The following ERBB4 variants were observed in gnomAD, a reference collection of about 807,000 sequenced individuals.
ERBB4 encodes erb-b2 receptor tyrosine kinase 4, also known as receptor tyrosine-protein kinase erbB-4.
A neutral mutation model predicts 158.0 loss-of-function variants in ERBB4; 42 were observed. The ratio of observed to expected loss-of-function variants is 0.27; its 90% CI spans 0.21 to 0.34. The LOEUF (loss-of-function observed/expected upper bound fraction) is 0.34. Among genes scored for constraint, ERBB4 ranks in the 10% least tolerant of loss-of-function variants. The pLI is 1.00. For missense variants in ERBB4, 1,333 were observed against 1,624.1 expected, an observed-to-expected ratio of 0.82 and a Z score of 3.08; for synonymous variants, 583 against 558.7, an observed-to-expected ratio of 1.04 and a Z score of -0.61.
At chr2:212,386,578 A>G (rs1161385350) in intron 1 of ERBB4, among the ~76,000 whole-genome samples, 2 of 151,834 alleles carry the variant, frequency 1.3e-5, no homozygotes, top group Non-Finnish European at 2.9e-5. Flanking sequence ...TTCTTAAAAA[A>G]AAAAAAAAAA....
In ERBB4 at chr2:211,484,527, C is replaced by T. The variant is rs149203048; in HGVS notation, c.2488-53427G>A. On this transcript the variant is annotated intron_variant, in intron 20 of 27. Coordinates refer to ENST00000342788, the MANE Select transcript of ERBB4 (RefSeq NM_005235.3). ...AAGGGATGGAAAAAATTATAACGTG[C>T]TAACAATAACAAAAATAAAATTTAA... is the stretch of plus-strand genomic sequence containing the variant. 1.0e-3 allele frequency among the ~76,000 whole-genome samples: 158 copies of T among 152,038 alleles called. No homozygotes were observed. The Middle Eastern group carries it at 0.017, about 16-fold the overall frequency.
At chr2:211,409,237 TA>T (rs1055152051) in intron 25 of ERBB4, among the ~76,000 whole-genome samples, 8 of 152,172 alleles carry the variant, frequency 5.3e-5, no homozygotes, top group African/African-American at 1.9e-4. Context: ...TTTTACCATG[TA>T]ACCTGGAAGT....
At chr2:212,506,187 C>T (rs1224344773) in intron 1 of ERBB4, among the ~76,000 whole-genome samples, 1 of 148,700 alleles carries the variant, frequency 6.7e-6, no homozygotes, top group African/African-American at 2.4e-5. Context: ...AAATCATACC[C>T]AAACTTAATT....
intron 1 of ERBB4, among the ~76,000 whole-genome samples, chr2:212,436,875 G>A (rs2092148032): frequency 1.3e-5 from 2 of 151,970 alleles, no homozygotes; most frequent in South Asian, 4.1e-4. Context: ...AGTGGGTAGA[G>A]CACACCAGAG....
chr2:211,907,404 A>G (rs1218972210), intron 3 of ERBB4, among the ~76,000 whole-genome samples: 3 of 150,090 alleles, frequency 2.0e-5, no homozygotes, highest in Non-Finnish European at 3.0e-5. Context: ...ACTGAAAAGC[A>G]TGGCTTTTGC....
At chr2:211,945,573 T>C (rs1397478582) in intron 3 of ERBB4, among the ~76,000 whole-genome samples, 1 of 152,114 alleles carries the variant, frequency 6.6e-6, no homozygotes, top group Non-Finnish European at 1.5e-5. Flanking sequence ...TCTCACAGCT[T>C]CTAGGCAAAG....
chr2:211,830,707 T>C (rs920045356), intron 3 of ERBB4, among the ~76,000 whole-genome samples: 2 of 152,066 alleles, frequency 1.3e-5, no homozygotes, highest in Non-Finnish European at 2.9e-5. Flanking sequence ...AATATAAAAA[T>C]GTATGTTTAA....
At chr2:211,558,383 C>T (rs1037706847) in intron 20 of ERBB4, among the ~76,000 whole-genome samples, 2 of 152,054 alleles carry the variant, frequency 1.3e-5, no homozygotes, top group African/African-American at 4.8e-5. Flanking sequence ...CTTCTGCCTC[C>T]CACTTACAAA....
At position 211,488,770 on chromosome 2, in the gene ERBB4, T is replaced by C. The variant is rs184942811; in HGVS notation, c.2488-57670A>G. 5.5e-4 allele frequency among the ~76,000 whole-genome samples: 84 copies of C among 152,178 alleles called. 1 individual carries two copies. In the Middle Eastern group the frequency reaches 0.014, roughly 25 times the overall value. On this transcript the variant is annotated intron_variant, in intron 20 of 27. Transcript: ENST00000342788. ...ATAATAAATTGGCAATATTTTTTCC[T>C]GTAGAAGTAAACTATTAAGGAAATG...
At chr2:212,280,122 C>T (rs182405839) in intron 1 of ERBB4, among the ~76,000 whole-genome samples, 1 of 151,634 alleles carries the variant, frequency 6.6e-6, no homozygotes, top group Non-Finnish European at 1.5e-5. Context: ...TCCTAAATCA[C>T]AATGTGATAC....
At chr2:211,477,661 T>G (rs1336231950) in intron 20 of ERBB4, among the ~76,000 whole-genome samples, 1 of 152,076 alleles carries the variant, frequency 6.6e-6, no homozygotes, top group African/African-American at 2.4e-5. Flanking sequence ...ATTTTTATAA[T>G]AAGAAAGCAA....
At chr2:212,271,425 G>GA (rs1320985739) in intron 1 of ERBB4, among the ~76,000 whole-genome samples, 3 of 151,548 alleles carry the variant, frequency 2.0e-5, no homozygotes, top group Non-Finnish European at 3.0e-5. Context: ...ACAACTTTCA[G>GA]AATTTCTCTC....
At position 212,450,331 on chromosome 2, in the gene ERBB4, G is replaced by A. The variant is rs753261020; in HGVS notation, c.82+88118C>T. On this transcript the variant is annotated intron_variant, in intron 1 of 27. Transcript: ENST00000342788. ...TTTACAGATACAATAAATGTAGGGT[G>A]CCTGAGATGGGAAATTGTCCTGGAT... Among the ~76,000 whole-genome samples the A allele has an allele frequency of 9.2e-5, 14 of 152,156 alleles. No homozygotes were observed. The South Asian group carries it at 1.2e-3, about 13-fold the overall frequency.
intron 1 of ERBB4, 53 bp from the exon 2 acceptor site, chr2:212,124,956 G>T (rs947991371): frequency 6.3e-7 from 1 of 1,577,474 alleles, no homozygotes; most frequent in Non-Finnish European, 8.7e-7. Context: ...TATGATATGC[G>T]CAATGATAAT....
chr2:211,793,781 T>C (rs1475464057), intron 3 of ERBB4, among the ~76,000 whole-genome samples: 1 of 151,916 alleles, frequency 6.6e-6, no homozygotes, highest in African/African-American at 2.4e-5. Context: ...GCTACCCCAC[T>C]GGGTCAGCCC....
chr2:212,397,002 T>A (rs2091047820), intron 1 of ERBB4, among the ~76,000 whole-genome samples: 1 of 152,222 alleles, frequency 6.6e-6, no homozygotes, highest in Non-Finnish European at 1.5e-5. Flanking sequence ...TTAATGACTG[T>A]ATATTAATCA....
chr2:212,501,536 T>C (rs187438152), intron 1 of ERBB4, among the ~76,000 whole-genome samples: 9 of 152,332 alleles, frequency 5.9e-5, no homozygotes, highest in Admixed American at 2.0e-4. Flanking sequence ...ACAGACTTCG[T>C]TGACCAGCCA....
intron 25 of ERBB4, among the ~76,000 whole-genome samples, chr2:211,394,621 G>A (rs1416762403): frequency 6.6e-6 from 1 of 151,996 alleles, no homozygotes; most frequent in South Asian, 2.1e-4. Flanking sequence ...TAGTTCTAAT[G>A]CAATGTCTTT....
chr2:211,704,335 C>T, intron 10 of ERBB4, 141 bp from the exon 11 acceptor site: 2 of 671,734 alleles, frequency 3.0e-6, no homozygotes, highest in East Asian at 2.7e-5. Flanking sequence ...TTTAAGCACT[C>T]TATTACATAT....
Sources: gnomAD v4.1 joint callset for allele counts (sites outside exome capture counted in the v4.1 genomes callset) on GRCh38, gnomAD v4.1.1 for gene constraint, MANE v1.5 for transcripts, NCBI Gene and HGNC (gene_info 2026-07-23, HGNC 2026-07-21) for gene names.